The following MYBPC1 variants were observed in gnomAD, a reference collection of about 807,000 sequenced individuals.
MYBPC1 encodes myosin binding protein C1, also known as myosin-binding protein C, slow-type.
MYBPC1 carries 52 observed loss-of-function variants against 147.1 expected under a neutral mutation model. That is an observed-to-expected ratio of 0.35 (90% CI 0.28 to 0.45). The LOEUF (loss-of-function observed/expected upper bound fraction) is 0.45. Ranked by LOEUF, MYBPC1 falls within the 20% of genes least tolerant of loss-of-function variation. The pLI, the probability that MYBPC1 is intolerant of heterozygous loss-of-function variation, is 1.00. For synonymous variants in MYBPC1, 477 were observed against 475.9 expected (o/e 1.00, Z -0.03); for missense variants, 1,228 against 1,440.3 (o/e 0.85, Z 2.39).
intron 1 of MYBPC1, among the ~76,000 whole-genome samples, chr12:101,601,729 CT>C (rs201401513): frequency 2.6e-5 from 4 of 151,028 alleles, no homozygotes; most frequent in South Asian, 2.1e-4. Flanking sequence ...TTGTTCTATT[CT>C]TTTTTTTTGA....
chr12:101,653,561 G>A (rs1275128207), intron 18 of MYBPC1, among the ~76,000 whole-genome samples: 1 of 152,086 alleles, frequency 6.6e-6, no homozygotes, highest in African/African-American at 2.4e-5. Context: ...ATAAATAAAT[G>A]AACAAAGTCA....
chr12:101,607,113 G>A (rs191915836), intron 1 of MYBPC1, among the ~76,000 whole-genome samples: 54 of 152,212 alleles, frequency 3.5e-4, no homozygotes, highest in Non-Finnish European at 6.3e-4. Flanking sequence ...GAGCCACTGC[G>A]CCCGGCCATG....
intron 26 of MYBPC1, 35 bp from the exon 27 acceptor site, chr12:101,677,200 G>T (rs773667033): frequency 1.3e-6 from 2 of 1,597,062 alleles, no homozygotes; most frequent in East Asian, 2.2e-5. Flanking sequence ...ACTTTTAGGT[G>T]ATTTTCCTCC....
In MYBPC1 at chr12:101,677,093, A is replaced by T. The variant is rs10860769; in HGVS notation, c.2950-142A>T. ...GTTTCAACACATTTTAACAACATAT[A>T]TTATTACTCTCCATATAAAAATGAG... On this transcript the variant is annotated intron_variant, in intron 26 of 31. Transcript: ENST00000361466. 0.3 allele frequency: 228,887 copies of T among 754,174 alleles called. 35,816 individuals are homozygous for T. Among genetic ancestry groups the T allele is most frequent in the African/African-American group, 0.35 (19,886 of 56,356 alleles). The allele number at this position is 754,174 out of a possible 1,614,324, so 46.7% of individuals were successfully genotyped here.
chr12:101,679,796 T>C (rs532167800), intron 28 of MYBPC1, among the ~76,000 whole-genome samples: 1 of 138,190 alleles, frequency 7.2e-6, no homozygotes, highest in South Asian at 2.4e-4. Context: ...TGACACTTTA[T>C]GGGGTTTCTC....
intron 8 of MYBPC1, among the ~76,000 whole-genome samples, chr12:101,633,516 G>A (rs763456519): frequency 5.9e-5 from 9 of 152,000 alleles, no homozygotes; most frequent in African/African-American, 1.7e-4. Context: ...GTGAAACCCC[G>A]TCTCTACTAG....
At chr12:101,628,584 A>G (rs146153373) in intron 5 of MYBPC1, among the ~76,000 whole-genome samples, 1 of 152,276 alleles carries the variant, frequency 6.6e-6, no homozygotes, top group Non-Finnish European at 1.5e-5. Context: ...TTGGCAACCT[A>G]TGCATTTTTT....
chr12:101,684,287 G>T, intron 30 of MYBPC1, 95 bp from the exon 31 acceptor site: 2 of 955,034 alleles, frequency 2.1e-6, no homozygotes, highest in South Asian at 2.6e-5. Context: ...TCATAATCAT[G>T]ACCATAATTT....
intron 1 of MYBPC1, among the ~76,000 whole-genome samples, chr12:101,606,045 A>G (rs1882012504): frequency 6.6e-6 from 1 of 151,684 alleles, no homozygotes; most frequent in South Asian, 2.1e-4. Context: ...AAATACAAAA[A>G]TTAGTCAGGC....
Position 101,617,247 on chromosome 12 carries a change from A to G in MYBPC1, c.103+4A>G. 1 of 1,613,744 alleles carries G rather than the reference A, an allele frequency of 6.2e-7. No homozygotes were observed. The highest frequency in any genetic ancestry group is 8.5e-7 in the Non-Finnish European group (1 of 1,179,772). ...GCCGGAACTACACCAGCAAAAGGTG[A>G]GTTGGAGGGAGGGAGAGTGAGGCTG... On this transcript the variant is annotated splice_donor_region_variant and intron_variant, in intron 3 of 31. Transcript: ENST00000361466.
intron 15 of MYBPC1, among the ~76,000 whole-genome samples, chr12:101,650,257 G>A (rs1198097333): frequency 6.6e-6 from 1 of 152,152 alleles, no homozygotes; most frequent in Non-Finnish European, 1.5e-5. Flanking sequence ...AAAAACCATA[G>A]GGTTTGTAGG....
chr12:101,628,716 T>C (rs958001800), intron 5 of MYBPC1, among the ~76,000 whole-genome samples: 10 of 152,192 alleles, frequency 6.6e-5, no homozygotes, highest in Non-Finnish European at 1.5e-4. Context: ...ATCACCAGAG[T>C]GCAAATGAGA....
intron 9 of MYBPC1, among the ~76,000 whole-genome samples, chr12:101,635,882 A>G (rs1890881688): frequency 6.6e-6 from 1 of 152,218 alleles, no homozygotes; most frequent in African/African-American, 2.4e-5. Context: ...ATGTAGTGCC[A>G]TTTAAATGTT....
intron 17 of MYBPC1, 103 bp from the exon 18 acceptor site, chr12:101,653,012 T>A (rs1334044166): frequency 6.9e-7 from 1 of 1,441,260 alleles, no homozygotes; most frequent in Non-Finnish European, 9.6e-7. Flanking sequence ...TTCTTTTTGA[T>A]TAGATAAAAT....
chr12:101,646,102 T>A (rs1893051453), intron 12 of MYBPC1, among the ~76,000 whole-genome samples: 2 of 152,228 alleles, frequency 1.3e-5, no homozygotes. Flanking sequence ...AGTTAAAGAA[T>A]GTACAGAGTT....
chr12:101,666,592 A>T, intron 22 of MYBPC1: 1 of 753,072 alleles, frequency 1.3e-6, no homozygotes, highest in East Asian at 2.8e-5. Flanking sequence ...AACCCCCCTA[A>T]CACCGTTTGG....
At chr12:101,614,708 T>C in intron 2 of MYBPC1, 177 bp downstream of exon 2, 1 of 671,738 alleles carries the variant, frequency 1.5e-6, no homozygotes, top group Non-Finnish European at 2.7e-6. Context: ...ACTGTGTTTA[T>C]ATAATCCTCT....
At chr12:101,666,894 T>TACACACACACAC (rs1201276523) in intron 22 of MYBPC1, 101 of 312,996 alleles carry the variant, frequency 3.2e-4, no homozygotes, top group Admixed American at 1.1e-3. Flanking sequence ...ATCACATACA[T>TACACACACACAC]ACACACACAC....
chr12:101,682,764 T>C, intron 30 of MYBPC1, 102 bp downstream of exon 30: 1 of 1,127,234 alleles, frequency 8.9e-7, no homozygotes, highest in Non-Finnish European at 1.3e-6. Context: ...CATTTGCTTT[T>C]AATTGTACCC....
Sources: allele counts gnomAD v4.1 joint callset (sites outside exome capture counted in the v4.1 genomes callset), GRCh38; gene constraint gnomAD v4.1.1; transcripts MANE v1.5; gene names NCBI Gene and HGNC (gene_info 2026-07-23, HGNC 2026-07-21).